AGAP6: variants seen among roughly 807,000 people sequenced by gnomAD.
The protein encoded by AGAP6 is arf-GAP with GTPase, ANK repeat and PH domain-containing protein 6.
Under a neutral mutation model 63.9 loss-of-function variants are expected in AGAP6, and 29 were observed. The observed-to-expected ratio is 0.45, with a 90% confidence interval of 0.34 to 0.62. The LOEUF is 0.62. Ranked by LOEUF, AGAP6 falls within the 20% of genes least tolerant of loss-of-function variation. The pLI, the probability that AGAP6 is intolerant of heterozygous loss-of-function variation, is 0.01. For synonymous variants in AGAP6, 199 were observed against 332.9 expected (o/e 0.60, Z 4.38); for missense variants, 493 against 884.9 (o/e 0.56, Z 5.62).
chr10:49,990,174 C>T (rs1564705131), intron 2 of AGAP6, among the ~76,000 whole-genome samples: 1 of 152,164 alleles, frequency 6.6e-6, no homozygotes, highest in African/African-American at 2.4e-5. Flanking sequence ...CTTGGTGGCT[C>T]ACGCCTGTAA....
chr10:50,008,805 A>C lies in AGAP6; in HGVS notation c.680A>C (p.Glu227Ala), dbSNP rs1372666301. The C allele has an allele frequency of 1.9e-6, 3 of 1,613,992 alleles. No individual in the cohort carries two copies. In the African/African-American group the frequency reaches 4.0e-5, roughly 22 times the overall value. ...SIPSTPSTSQ[E>A]DPQFSVPPTA... ...CCATCGACTCCCAGCACCAGCCAGG[A>C]GGACCCTCAGTTCAGTGTTCCTCCC... is the stretch of plus-strand genomic sequence containing the variant. The change falls in exon 8 of 8, where the codon GAG becomes GCG. Residue 227 changes from glutamate to alanine, a missense_variant. Glu to Ala is a moderately radical substitution (Grantham distance 107). This residue lies in a region of AGAP6 where 342 missense variants were observed against 533.4 expected (regional missense o/e 0.64). Coordinates refer to ENST00000412531, the MANE Select transcript of AGAP6 (RefSeq NM_001077665.3).
At chr10:49,989,488 A>G (rs537988780) in intron 2 of AGAP6, 112 bp downstream of exon 2, 6 of 1,514,276 alleles carry the variant, frequency 4.0e-6, no homozygotes, top group East Asian at 4.6e-5. Context: ...CCAACTTTTC[A>G]GTACCCATCT....
Position 50,009,424 on chromosome 10 carries a change from C to T in AGAP6, c.1299C>T (p.Ala433=), listed in dbSNP as rs1842028938. The change falls in exon 8 of 8, where the codon GCC becomes GCT. Residue 433 remains alanine, a synonymous_variant. Coordinates refer to ENST00000412531, the MANE Select transcript of AGAP6 (RefSeq NM_001077665.3). Reference sequence around the variant, plus strand: ...CCACGACGTATGAGGAGCGGGATGCCTGGGTCCAAGCCATCCAGAGCCAGA... The same window carrying T: ...CCACGACGTATGAGGAGCGGGATGCTTGGGTCCAAGCCATCCAGAGCCAGA... ...FEATTYEERD[A]WVQAIQSQIL... The T allele has an allele frequency of 1.2e-6, 2 of 1,613,676 alleles. No individual in the cohort carries two copies. The highest frequency in any genetic ancestry group is 1.7e-6 in the Non-Finnish European group (2 of 1,180,050).
chr10:50,007,972 A>G (rs1841972213), intron 6 of AGAP6, 53 bp from the exon 7 acceptor site: 2 of 1,611,202 alleles, frequency 1.2e-6, no homozygotes, highest in Non-Finnish European at 1.7e-6. Flanking sequence ...CTAAACAAAT[A>G]TTATACTAAG....
intron 6 of AGAP6, among the ~76,000 whole-genome samples, chr10:50,006,292 A>G (rs1841912168): frequency 6.6e-6 from 1 of 152,248 alleles, no homozygotes. Flanking sequence ...CCTACAGTAG[A>G]AGGAACAAGT....
chr10:49,993,338 T>G (rs1483210193), intron 3 of AGAP6, among the ~76,000 whole-genome samples: 5 of 152,182 alleles, frequency 3.3e-5, no homozygotes, highest in Admixed American at 6.5e-5. Flanking sequence ...TCCCTCACTC[T>G]TCAGTGGTAG....
chr10:49,996,235 T>C (rs1841481139), intron 4 of AGAP6, among the ~76,000 whole-genome samples: 4 of 152,184 alleles, frequency 2.6e-5, no homozygotes, highest in Admixed American at 1.3e-4. Flanking sequence ...TTGGAGTGTT[T>C]TAAGATTTTT....
In AGAP6 at chr10:50,009,774, G is replaced by A; in HGVS notation, c.1649G>A (p.Gly550Glu). Residue 550 changes from glycine to glutamate, a missense_variant, in exon 8 of 8, where the codon GGG becomes GAG. Coordinates refer to ENST00000412531, the MANE Select transcript of AGAP6 (RefSeq NM_001077665.3). ...ANSIWEGSSQ[G>E]QTKPSEKSTR... is the part of the protein sequence containing the mutation. ...AGCATCTGGGAAGGGAGCAGCCAGG[G>A]GCAGACAAAACCCTCAGAAAAGTCC... 2 of 1,613,920 alleles carry A rather than the reference G, an allele frequency of 1.2e-6. No individual in the cohort carries two copies. Among genetic ancestry groups the A allele is most frequent in the African/African-American group, 2.7e-5 (2 of 75,032 alleles).
chr10:50,007,124 G>T (rs1841938095), intron 6 of AGAP6, among the ~76,000 whole-genome samples: 1 of 151,978 alleles, frequency 6.6e-6, no homozygotes, highest in South Asian at 2.1e-4. Context: ...AGGCACAGTG[G>T]CTCAGGCCTG....
At chr10:49,994,961 CA>C (rs536082046) in intron 4 of AGAP6, among the ~76,000 whole-genome samples, 16,688 of 63,276 alleles carry the variant, frequency 0.26, 764 homozygotes, top group Non-Finnish European at 0.32. Flanking sequence ...AACTCTGTCT[CA>C]AAAAAAAAAA....
chr10:49,992,158 G>A (rs1306227019), intron 3 of AGAP6, among the ~76,000 whole-genome samples: 18 of 151,494 alleles, frequency 1.2e-4, no homozygotes, highest in African/African-American at 4.1e-4. Flanking sequence ...AAAAAACATA[G>A]TTGTTTATCA....
intron 4 of AGAP6, among the ~76,000 whole-genome samples, chr10:50,001,052 T>C (rs1554862761): frequency 6.6e-6 from 1 of 152,154 alleles, no homozygotes; most frequent in African/African-American, 2.4e-5. Context: ...ATAGAAGGGC[T>C]GGGCGCCGTG....
At chr10:50,004,370 T>C (rs371470123) in intron 5 of AGAP6, among the ~76,000 whole-genome samples, 5 of 150,580 alleles carry the variant, frequency 3.3e-5, no homozygotes, top group Non-Finnish European at 7.4e-5. Flanking sequence ...AATAAATAAA[T>C]ACATAAAATA....
intron 5 of AGAP6, among the ~76,000 whole-genome samples, chr10:50,004,153 C>T: frequency 6.6e-6 from 1 of 151,654 alleles, no homozygotes; most frequent in Admixed American, 6.6e-5. Flanking sequence ...CCATTGCACT[C>T]CAGCCTGGGC....
chr10:49,992,782 T>A lies in AGAP6; in HGVS notation c.361+1038T>A, dbSNP rs557491169. Among the ~76,000 whole-genome samples, 52 of 151,808 alleles carry A rather than the reference T, an allele frequency of 3.4e-4. 1 individual carries two copies. The highest frequency in any genetic ancestry group is 1.2e-3 in the African/African-American group (49 of 41,424). ...CCACACTTTTTTTTTTTTGTTTTGA[T>A]ATGGAGTCTCACTCTGTTGCCCAGG... On this transcript the variant is annotated intron_variant, in intron 3 of 7. Transcript: ENST00000412531.
In AGAP6 at chr10:50,010,246, T is replaced by A; in HGVS notation, c.*60T>A. 3.1e-6 allele frequency: 5 copies of A among 1,595,302 alleles called. No individual in the cohort carries two copies. In the South Asian group the frequency reaches 5.6e-5, roughly 18 times the overall value. Reference sequence around the variant, plus strand: ...AAAAACAAAATGGGAAAAATAAGGATAACTCAGAATTTCAAAAGGAAATCA... The same window carrying A: ...AAAAACAAAATGGGAAAAATAAGGAAAACTCAGAATTTCAAAAGGAAATCA... On this transcript the variant is annotated 3_prime_UTR_variant, in exon 8 of 8. Coordinates refer to ENST00000412531, the MANE Select transcript of AGAP6 (RefSeq NM_001077665.3).
chr10:49,993,508 G>C (rs1487863257), intron 3 of AGAP6, among the ~76,000 whole-genome samples: 1 of 152,052 alleles, frequency 6.6e-6, no homozygotes, highest in African/African-American at 2.4e-5. Context: ...AATTAGGTTT[G>C]TATACTCATT....
intron 6 of AGAP6, among the ~76,000 whole-genome samples, chr10:50,006,157 A>G (rs1554863874): frequency 6.6e-6 from 1 of 152,124 alleles, no homozygotes; most frequent in Non-Finnish European, 1.5e-5. Flanking sequence ...CCATACTTGT[A>G]TTTATAATAT....
intron 3 of AGAP6, among the ~76,000 whole-genome samples, chr10:49,993,305 A>T (rs1448754999): frequency 2.0e-5 from 3 of 152,172 alleles, no homozygotes; most frequent in Non-Finnish European, 2.9e-5. Flanking sequence ...GCATGGAAGC[A>T]GTAAAAGAAA....
Sources: allele counts gnomAD v4.1 joint callset (sites outside exome capture counted in the v4.1 genomes callset), GRCh38; gene constraint gnomAD v4.1.1; regional missense constraint gnomAD v4.1.1; transcripts MANE v1.5; gene names NCBI Gene and HGNC (gene_info 2026-07-23, HGNC 2026-07-21).